Variants in USP25 observed in about 807,000 individuals in gnomAD.
The protein encoded by USP25 is ubiquitin specific peptidase 25.
A neutral mutation model predicts 158.5 loss-of-function variants in USP25; 85 were observed. The ratio of observed to expected loss-of-function variants is 0.54; its 90% confidence interval spans 0.45 to 0.64. USP25 has a LOEUF of 0.64. USP25 is among the 30% of genes least tolerant of loss of function. USP25 has a pLI of 0.00. For missense variants in USP25, 1,242 were observed against 1,327.3 expected (o/e 0.94, Z 1.00); for synonymous variants, 464 against 460.4 (o/e 1.01, Z -0.10).
chr21:15,846,351 C>T (rs891185956), intron 18 of USP25, among the ~76,000 whole-genome samples: 1 of 150,374 alleles, frequency 6.7e-6, no homozygotes, highest in Admixed American at 6.6e-5. Context: ...TTAGTAGGGA[C>T]GGATTTCGCC....
intron 17 of USP25, among the ~76,000 whole-genome samples, chr21:15,835,640 A>G (rs1290459753): frequency 1.3e-5 from 2 of 152,240 alleles, no homozygotes; most frequent in African/African-American, 2.4e-5. Flanking sequence ...GAACCAGAAT[A>G]AAAGATGAAG....
intron 20 of USP25, among the ~76,000 whole-genome samples, chr21:15,860,447 G>T (rs1278083242): frequency 6.6e-6 from 1 of 152,120 alleles, no homozygotes; most frequent in Admixed American, 6.5e-5. Flanking sequence ...GAGCCACTGT[G>T]CCTGGCCTGG....
At chr21:15,812,678 A>G (rs181766699) in intron 9 of USP25, among the ~76,000 whole-genome samples, 245 of 152,176 alleles carry the variant, frequency 1.6e-3, no homozygotes, top group African/African-American at 5.5e-3. Context: ...TAATTTGTCA[A>G]TCCAGTGTTG....
At chr21:15,797,815 T>C (rs999739671) in intron 5 of USP25, among the ~76,000 whole-genome samples, 1 of 151,212 alleles carries the variant, frequency 6.6e-6, no homozygotes, top group Non-Finnish European at 1.5e-5. Context: ...GCTGAAAATA[T>C]TACAGTACTG....
At chr21:15,851,699 T>C (rs1467173707) in intron 20 of USP25, among the ~76,000 whole-genome samples, 1 of 152,098 alleles carries the variant, frequency 6.6e-6, no homozygotes, top group East Asian at 1.9e-4. Flanking sequence ...TTATGTGTAT[T>C]ACTGATTTAG....
At chr21:15,831,203 T>C (rs888485961) in intron 15 of USP25, among the ~76,000 whole-genome samples, 198 bp from the exon 16 acceptor site, 10 of 152,168 alleles carry the variant, frequency 6.6e-5, no homozygotes, top group Non-Finnish European at 1.5e-4. Context: ...TGCATATCTT[T>C]AGCTTATTCA....
chr21:15,760,071 A>G (rs1337651154), intron 1 of USP25, among the ~76,000 whole-genome samples: 1 of 152,248 alleles, frequency 6.6e-6, no homozygotes, highest in Non-Finnish European at 1.5e-5. Flanking sequence ...GCCAATGCCT[A>G]TCCAATGAAC....
At chr21:15,814,714 G>A (rs1263671489) in intron 9 of USP25, among the ~76,000 whole-genome samples, 1 of 152,118 alleles carries the variant, frequency 6.6e-6, no homozygotes, top group African/African-American at 2.4e-5. Context: ...AAATTTCTAA[G>A]CAGCAAAGCA....
At chr21:15,734,658 AT>A (rs1276385585) in intron 1 of USP25, among the ~76,000 whole-genome samples, 1 of 152,042 alleles carries the variant, frequency 6.6e-6, no homozygotes, top group Admixed American at 6.6e-5. Context: ...TCTTGTCATT[AT>A]TTTTACCACT....
intron 17 of USP25, among the ~76,000 whole-genome samples, chr21:15,841,730 A>G (rs2038342700): frequency 6.6e-6 from 1 of 152,190 alleles, no homozygotes; most frequent in Admixed American, 6.5e-5. Flanking sequence ...ATGGAGACAG[A>G]GACTGGCTGC....
Position 15,762,873 on chromosome 21 carries a change from G to C in USP25, c.46-18G>C. On this transcript the variant is annotated intron_variant, in intron 1 of 25. Coordinates refer to ENST00000400183, the MANE Select transcript of USP25 (RefSeq NM_001283041.3). ...CAGAGTTGAGAATATAATGATTTTG[G>C]GTTTTTCCTCCCTCTAGCACCAGCA... 1 of 1,600,872 alleles carries C rather than the reference G, an allele frequency of 6.2e-7. No homozygotes were observed. Among genetic ancestry groups the C allele is most frequent in the Non-Finnish European group, 8.5e-7 (1 of 1,174,398 alleles).
intron 14 of USP25, among the ~76,000 whole-genome samples, chr21:15,828,529 A>G (rs536087386): frequency 1.9e-4 from 29 of 152,374 alleles, no homozygotes; most frequent in African/African-American, 4.3e-4. Flanking sequence ...TCATAATGGT[A>G]TGAATAACCA....
chr21:15,856,000 C>T (rs913840080), intron 20 of USP25, among the ~76,000 whole-genome samples: 2 of 152,172 alleles, frequency 1.3e-5, no homozygotes, highest in Admixed American at 1.3e-4. Context: ...TCTTCCCTCT[C>T]ATGGTATTTT....
At position 15,821,138 on chromosome 21, in the gene USP25, C is replaced by T. The variant is rs1280275236; in HGVS notation, c.1080+2292C>T. 2.6e-5 allele frequency among the ~76,000 whole-genome samples: 4 copies of T among 151,810 alleles called. No homozygotes were observed. The South Asian group carries it at 6.2e-4, about 24-fold the overall frequency. On this transcript the variant is annotated intron_variant, in intron 10 of 25. Transcript: ENST00000400183. ...TTGTAGTGTGAGTATTCACTACTAC[C>T]AGTGTGTGCTGTGTGTTCTTTTAGA...
chr21:15,764,332 T>A (rs906852989), intron 2 of USP25, among the ~76,000 whole-genome samples: 3 of 149,126 alleles, frequency 2.0e-5, no homozygotes, highest in Non-Finnish European at 3.0e-5. Context: ...TTTTTTTTTT[T>A]AAACTTAGAA....
intron 3 of USP25, among the ~76,000 whole-genome samples, chr21:15,767,486 A>C (rs2123436176): frequency 6.6e-6 from 1 of 152,200 alleles, no homozygotes; most frequent in Middle Eastern, 3.4e-3. Context: ...TGGTGCTCAA[A>C]AAATGTTCAC....
chr21:15,810,320 G>A (rs1315924092), intron 8 of USP25, among the ~76,000 whole-genome samples: 1 of 152,014 alleles, frequency 6.6e-6, no homozygotes, highest in African/African-American at 2.4e-5. Flanking sequence ...AAGAGAGATG[G>A]TATCCCCTCT....
At chr21:15,873,567 T>C (rs1297993533) in intron 23 of USP25, among the ~76,000 whole-genome samples, 3 of 152,156 alleles carry the variant, frequency 2.0e-5, no homozygotes, top group South Asian at 2.1e-4. Flanking sequence ...AGTGGCGTGA[T>C]CTCAGCTCAC....
intron 18 of USP25, among the ~76,000 whole-genome samples, chr21:15,844,182 T>TA (rs1354726617): frequency 1.3e-5 from 2 of 152,156 alleles, no homozygotes; most frequent in African/African-American, 4.8e-5. Context: ...GAGAATTCAT[T>TA]AACCGTGGCT....
Sources: allele counts gnomAD v4.1 joint callset (sites outside exome capture counted in the v4.1 genomes callset), GRCh38; gene constraint gnomAD v4.1.1; transcripts MANE v1.5; gene names NCBI Gene and HGNC (gene_info 2026-07-23, HGNC 2026-07-21).